Variants in RGS17 observed in about 807,000 individuals in gnomAD.
RGS17 encodes regulator of G-protein signaling 17.
Under a neutral mutation model 25.5 loss-of-function variants are expected in RGS17, and 12 were observed. The ratio of observed to expected loss-of-function variants is 0.47; its 90% CI spans 0.30 to 0.76. The LOEUF (loss-of-function observed/expected upper bound fraction) is 0.76. RGS17 is among the 30% of genes least tolerant of loss of function. The pLI, the probability that RGS17 is intolerant of heterozygous loss-of-function variation, is 0.07. For missense variants in RGS17, 196 were observed against 242.2 expected (o/e 0.81, Z 1.27); for synonymous variants, 71 against 76.9 (o/e 0.92, Z 0.40).
chr6:153,114,388 T>A (rs1777515682), intron 1 of RGS17, among the ~76,000 whole-genome samples: 1 of 152,050 alleles, frequency 6.6e-6, no homozygotes. Flanking sequence ...CAGAAAGAAG[T>A]CTCATCCCAG....
intron 2 of RGS17, among the ~76,000 whole-genome samples, chr6:153,039,957 C>A (rs1343174040): frequency 6.6e-6 from 1 of 152,214 alleles, no homozygotes; most frequent in African/African-American, 2.4e-5. Context: ...AGAAACGAGA[C>A]ATTCCACTTG....
chr6:153,015,467 G>T (rs1486355217), intron 4 of RGS17, among the ~76,000 whole-genome samples: 2 of 152,136 alleles, frequency 1.3e-5, no homozygotes, highest in Non-Finnish European at 2.9e-5. Context: ...TGAGTCAGCA[G>T]CCATCAATGT....
At chr6:153,071,675 G>T (rs1392552522) in intron 1 of RGS17, among the ~76,000 whole-genome samples, 2 of 152,164 alleles carry the variant, frequency 1.3e-5, no homozygotes, top group South Asian at 2.1e-4. Context: ...TTTGTTATTG[G>T]TTTAGAGAAA....
At chr6:153,020,612 T>C (rs1779238816) in intron 4 of RGS17, among the ~76,000 whole-genome samples, 1 of 152,224 alleles carries the variant, frequency 6.6e-6, no homozygotes, top group African/African-American at 2.4e-5. Flanking sequence ...GTTGTTTTTC[T>C]ATATTTAACA....
intron 1 of RGS17, among the ~76,000 whole-genome samples, chr6:153,116,101 C>T (rs1777539011): frequency 6.6e-6 from 1 of 152,098 alleles, no homozygotes; most frequent in Non-Finnish European, 1.5e-5. Context: ...AGAGCTTCTG[C>T]ACAGCAAAAA....
intron 1 of RGS17, among the ~76,000 whole-genome samples, chr6:153,088,397 T>A (rs779663416): frequency 6.6e-6 from 1 of 152,180 alleles, no homozygotes; most frequent in Non-Finnish European, 1.5e-5. Flanking sequence ...TGAACCCTTA[T>A]TTTGTTACTC....
chr6:153,070,732 T>C (rs1193385278), intron 1 of RGS17, among the ~76,000 whole-genome samples: 2 of 150,746 alleles, frequency 1.3e-5, no homozygotes, highest in East Asian at 4.0e-4. Context: ...CATATACATA[T>C]ACACATACAT....
chr6:153,125,073 TA>T (rs1375836918), intron 1 of RGS17, among the ~76,000 whole-genome samples: 1 of 152,168 alleles, frequency 6.6e-6, no homozygotes, highest in Non-Finnish European at 1.5e-5. Context: ...TAAAATGAAA[TA>T]AACACTCACC....
At chr6:153,073,407 G>C (rs1029006382) in intron 1 of RGS17, among the ~76,000 whole-genome samples, 3 of 152,120 alleles carry the variant, frequency 2.0e-5, no homozygotes, top group Non-Finnish European at 4.4e-5. Context: ...AAAATCTGAG[G>C]ATACTCTATC....
rs759641930 is a variant in RGS17 at position 153,042,234 on chromosome 6, C to CTA, written c.119+1665_119+1666insTA. On this transcript the variant is annotated intron_variant, in intron 2 of 4. Coordinates refer to ENST00000206262, the MANE Select transcript of RGS17 (RefSeq NM_012419.5). Reference sequence around the variant, plus strand: ...TTTCCTCCATCTTAAATTATTAAGGCTTAATAATGAAAGGAAACAAATTAT... The same window carrying CTA: ...TTTCCTCCATCTTAAATTATTAAGGCTATTAATAATGAAAGGAAACAAATTAT... Among the ~76,000 whole-genome samples the CTA allele has an allele frequency of 3.9e-3, 600 of 152,260 alleles. 13 individuals carry two copies. The highest frequency in any genetic ancestry group is 0.028 in the Admixed American group (430 of 15,278).
intron 1 of RGS17, among the ~76,000 whole-genome samples, chr6:153,098,937 C>A (rs1777256251): frequency 6.6e-6 from 1 of 152,100 alleles, no homozygotes; most frequent in African/African-American, 2.4e-5. Flanking sequence ...ACTAGAGCAG[C>A]AGATTTTTGG....
At chr6:153,060,401 C>T (rs1015589663) in intron 1 of RGS17, among the ~76,000 whole-genome samples, 1 of 152,140 alleles carries the variant, frequency 6.6e-6, no homozygotes, top group Admixed American at 6.5e-5. Context: ...GCACTTCCCC[C>T]AGAAAATCTT....
chr6:153,015,475 T>C (rs1779172675), intron 4 of RGS17, among the ~76,000 whole-genome samples: 1 of 152,168 alleles, frequency 6.6e-6, no homozygotes, highest in South Asian at 2.1e-4. Context: ...CAGCCATCAA[T>C]GTCGAAGCAA....
At chr6:153,020,106 AAAAAAATATAT>A (rs1244265834) in intron 4 of RGS17, among the ~76,000 whole-genome samples, 5 of 32,764 alleles carry the variant, frequency 1.5e-4, no homozygotes, top group East Asian at 7.6e-4. Flanking sequence ...ATCTTAAAAA[AAAAAAATATAT>A]ATATATATAT....
At chr6:153,022,998 G>A (rs4869777) in intron 4 of RGS17, among the ~76,000 whole-genome samples, 15,456 of 152,032 alleles carry the variant, frequency 0.1, 972 homozygotes, top group Admixed American at 0.18. Context: ...TCCTTTGTGC[G>A]TCTAATTCTA....
At chr6:153,084,976 C>T (rs1777033708) in intron 1 of RGS17, among the ~76,000 whole-genome samples, 3 of 152,126 alleles carry the variant, frequency 2.0e-5, no homozygotes, top group East Asian at 1.9e-4. Flanking sequence ...GATAACGTTA[C>T]GAAAATTCAG....
intron 2 of RGS17, among the ~76,000 whole-genome samples, chr6:153,039,369 G>C (rs1333829486): frequency 6.6e-6 from 1 of 152,150 alleles, no homozygotes; most frequent in Non-Finnish European, 1.5e-5. Context: ...AGTAGCTAAA[G>C]ACAGAACCAT....
intron 1 of RGS17, among the ~76,000 whole-genome samples, chr6:153,046,806 A>G (rs1776390915): frequency 1.3e-5 from 2 of 152,152 alleles, no homozygotes. Context: ...TTGTCAGGAA[A>G]GTCATAATAT....
intron 1 of RGS17, among the ~76,000 whole-genome samples, chr6:153,046,656 C>G (rs1357753813): frequency 6.6e-6 from 1 of 151,866 alleles, no homozygotes; most frequent in Non-Finnish European, 1.5e-5. Context: ...AAGATGGTGC[C>G]AAGGAATATA....
Sources: gnomAD v4.1 joint callset for allele counts (sites outside exome capture counted in the v4.1 genomes callset) on GRCh38, gnomAD v4.1.1 for gene constraint, MANE v1.5 for transcripts, NCBI Gene and HGNC (gene_info 2026-07-23, HGNC 2026-07-21) for gene names.